Variants in ACTN2 observed in about 807,000 individuals in gnomAD.
ACTN2 encodes the protein actinin alpha 2.
Under a neutral mutation model 113.8 loss-of-function variants are expected in ACTN2, and 39 were observed. The observed-to-expected ratio is 0.34, with a 90% confidence interval of 0.27 to 0.45. The LOEUF (loss-of-function observed/expected upper bound fraction) is 0.45, where lower values mean the gene tolerates loss of function less well. ACTN2 is among the 20% of genes least tolerant of loss of function. ACTN2 has a pLI of 1.00. For missense variants in ACTN2, 992 were observed against 1,177.9 expected, an observed-to-expected ratio of 0.84 and a Z score of 2.31; for synonymous variants, 429 against 444.1, an observed-to-expected ratio of 0.97 and a Z score of 0.43.
chr1:236,727,797 C>T lies in ACTN2; in HGVS notation c.615+41C>T, dbSNP rs369755404. 91 of 1,590,234 alleles carry T rather than the reference C, an allele frequency of 5.7e-5. 1 individual carries two copies. The South Asian group carries it at 6.6e-4, about 12-fold the overall frequency. Reference sequence around the variant, plus strand: ...CTGGCATGCAGTGTCCCCAGCCACGCGTCTCAGCATGTCCTGCAAATGAGC... The same window carrying T: ...CTGGCATGCAGTGTCCCCAGCCACGTGTCTCAGCATGTCCTGCAAATGAGC... On this transcript the variant is annotated intron_variant, in intron 6 of 20. Coordinates refer to ENST00000366578, the MANE Select transcript of ACTN2 (RefSeq NM_001103.4).
intron 7 of ACTN2, among the ~76,000 whole-genome samples, chr1:236,734,694 A>C (rs554873233): frequency 3.9e-5 from 6 of 152,190 alleles, no homozygotes; most frequent in African/African-American, 1.4e-4. Flanking sequence ...CTTTCTGTTC[A>C]TGCAGTGGTA....
chr1:236,745,450 A>G (rs907110696), intron 12 of ACTN2, among the ~76,000 whole-genome samples: 1 of 152,180 alleles, frequency 6.6e-6, no homozygotes, highest in African/African-American at 2.4e-5. Context: ...ACAAAAAACA[A>G]AACAAAATAA....
chr1:236,710,313 G>A (rs1335935291), intron 1 of ACTN2, among the ~76,000 whole-genome samples: 3 of 152,184 alleles, frequency 2.0e-5, no homozygotes, highest in Non-Finnish European at 2.9e-5. Flanking sequence ...CAAATGCATA[G>A]CGATTGAATA....
intron 13 of ACTN2, chr1:236,748,028 A>T: frequency 2.2e-6 from 1 of 450,458 alleles, no homozygotes; most frequent in Non-Finnish European, 4.1e-6. Flanking sequence ...ATTACGGCAT[A>T]AATCTACTTT....
At chr1:236,729,520 A>G (rs1266429274) in intron 6 of ACTN2, among the ~76,000 whole-genome samples, 1 of 152,100 alleles carries the variant, frequency 6.6e-6, no homozygotes, top group African/African-American at 2.4e-5. Context: ...CTCGTGTGGC[A>G]TGGATGGTCG....
intron 4 of ACTN2, among the ~76,000 whole-genome samples, chr1:236,720,983 C>G (rs1429163165): frequency 6.9e-6 from 1 of 144,084 alleles, no homozygotes; most frequent in African/African-American, 2.5e-5. Flanking sequence ...ATAATTCTGC[C>G]CAGGCCACAG....
rs1659750996 is a variant in ACTN2, at chr1:236,762,797, A to T, written c.*178A>T. 2 of 752,678 alleles carry T rather than the reference A, an allele frequency of 2.7e-6. No homozygotes were observed. Among genetic ancestry groups the T allele is most frequent in the Non-Finnish European group, 4.5e-6 (2 of 448,896 alleles). 46.6% of individuals were successfully genotyped at this position (752,678 alleles called of 1,614,324 possible). On this transcript the variant is annotated 3_prime_UTR_variant, in exon 21 of 21. Transcript: ENST00000366578. The stretch of plus-strand genomic sequence containing the variant: ...AACACGGCTAAAATGAAGTTTTTAC[A>T]GTATATGACATAGTGCGCTTCATAA...
chr1:236,740,276 G>A (rs542378123), intron 10 of ACTN2, among the ~76,000 whole-genome samples: 16 of 152,052 alleles, frequency 1.1e-4, no homozygotes, highest in Middle Eastern at 3.5e-3. Context: ...ACCACGCCCG[G>A]CTAATTTTTG....
intron 1 of ACTN2, among the ~76,000 whole-genome samples, chr1:236,712,234 C>T (rs558535811): frequency 1.3e-5 from 2 of 152,130 alleles, no homozygotes; most frequent in South Asian, 2.1e-4. Flanking sequence ...ATAGGGGATG[C>T]GTAGGAACAG....
chr1:236,719,303 GAACT>G (rs1380145929), intron 3 of ACTN2, among the ~76,000 whole-genome samples: 1 of 152,304 alleles, frequency 6.6e-6, no homozygotes, highest in Admixed American at 6.5e-5. Context: ...CTCTTAATAA[GAACT>G]AACTAATAGG....
chr1:236,717,788 G>C lies in ACTN2; in HGVS notation c.127-70G>C, dbSNP rs1572112357. 4 of 1,053,504 alleles carry C rather than the reference G, an allele frequency of 3.8e-6. No homozygotes were observed. The East Asian group carries it at 9.7e-5, about 26-fold the overall frequency. 65.3% of individuals were successfully genotyped at this position (1,053,504 alleles called of 1,614,324 possible). A position where few individuals can be genotyped will look rare whatever the true frequency, so the allele number is the denominator to read the frequency against. On this transcript the variant is annotated intron_variant, in intron 1 of 20. Transcript: ENST00000366578. ...TTCCCAAGAACGTGTAAGGTGTCAAGTGTCGTCTGTGAGGAAGGGATCTGA... is the reference window on the plus strand; with the variant it reads ...TTCCCAAGAACGTGTAAGGTGTCAACTGTCGTCTGTGAGGAAGGGATCTGA...
rs35432183 is a variant in ACTN2, at chr1:236,703,433, CTT to C, written c.127-14402_127-14401del. 3.8e-4 allele frequency among the ~76,000 whole-genome samples: 38 copies of C among 98,834 alleles called. 1 individual carries two copies. Among genetic ancestry groups the C allele is most frequent in the Middle Eastern group, 7.0e-3 (1 of 142 alleles). The allele number at this position is 98,834 out of a possible 152,430, so 64.8% of individuals were successfully genotyped here. A position where few individuals can be genotyped will look rare whatever the true frequency, so the allele number is the denominator to read the frequency against. ...TCATGCGTTCCTTTGGGCCTACTAC[CTT>C]TTTTTTTTTTTTTTTTTTTTTTGCC... On this transcript the variant is annotated intron_variant, in intron 1 of 20. Transcript: ENST00000366578.
chr1:236,717,130 C>T (rs1658242549), intron 1 of ACTN2, among the ~76,000 whole-genome samples: 2 of 151,798 alleles, frequency 1.3e-5, no homozygotes, highest in African/African-American at 2.4e-5. Context: ...GTCATCACAC[C>T]TGGCCTTTGA....
chr1:236,743,009 G>T lies in ACTN2; in HGVS notation c.1221G>T (p.Arg407Ser), dbSNP rs1317189454. 1 of 1,614,190 alleles carries T rather than the reference G, an allele frequency of 6.2e-7. No homozygotes were observed. The change falls in exon 11 of 21, where the codon AGG (arginine) becomes AGT (serine). Residue 407 changes from arginine (R) to serine (S), a missense_variant. Physicochemically the swap from Arg to Ser is moderately radical, Grantham distance 110. Transcript: ENST00000366578. Reference protein sequence around the residue: ...ERLEHLAEKFRQKASTHETWA... With the variant: ...ERLEHLAEKFSQKASTHETWA... The stretch of plus-strand genomic sequence containing the variant: ...TGGAACACCTGGCTGAGAAGTTCAG[G>T]CAGAAGGCCTCAACGCACGAGACTT...
chr1:236,737,080 C>T lies in ACTN2; in HGVS notation c.784-42C>T, dbSNP rs757063314. ...TCGTTCCATGCTGTGTGTGCGCATT[C>T]CCGTCGACAGAGCCGTCCTGTTTAC... On this transcript the variant is annotated intron_variant, in intron 8 of 20. Transcript: ENST00000366578. 3.1e-5 allele frequency: 47 copies of T among 1,533,776 alleles called. No homozygotes were observed. In the South Asian group the frequency reaches 5.2e-4, roughly 17 times the overall value.
intron 5 of ACTN2, among the ~76,000 whole-genome samples, 160 bp from the exon 6 acceptor site, chr1:236,727,518 G>A (rs1658588320): frequency 7.1e-6 from 1 of 140,046 alleles, no homozygotes; most frequent in Admixed American, 7.9e-5. Context: ...GGAAGAAGAT[G>A]AGTGTTCAAG....
chr1:236,722,625 A>G (rs1458233243), intron 4 of ACTN2, among the ~76,000 whole-genome samples: 3 of 101,576 alleles, frequency 3.0e-5, no homozygotes, highest in Non-Finnish European at 5.6e-5. Flanking sequence ...ACAGAGCAAG[A>G]CTCCGTCTCA....
chr1:236,715,350 C>G (rs1307397007), intron 1 of ACTN2, among the ~76,000 whole-genome samples: 2 of 127,436 alleles, frequency 1.6e-5, no homozygotes, highest in East Asian at 4.8e-4. Flanking sequence ...ACCAAAGAAA[C>G]CTATTACTCA....
intron 14 of ACTN2, among the ~76,000 whole-genome samples, chr1:236,750,772 A>G (rs990731312): frequency 2.0e-5 from 3 of 152,156 alleles, no homozygotes; most frequent in African/African-American, 7.2e-5. Context: ...GTAGGACTGC[A>G]AAGGTAACAC....
Sources: allele counts gnomAD v4.1 joint callset (sites outside exome capture counted in the v4.1 genomes callset), GRCh38; gene constraint gnomAD v4.1.1; transcripts MANE v1.5; gene names NCBI Gene and HGNC (gene_info 2026-07-23, HGNC 2026-07-21).